The following ZNF37A variants were observed in gnomAD, a reference collection of about 807,000 sequenced individuals.
The protein encoded by ZNF37A is zinc finger protein 37A.
A neutral mutation model predicts 12.3 loss-of-function variants in ZNF37A; 10 were observed. The ratio of observed to expected loss-of-function variants is 0.82; its 90% CI spans 0.50 to 1.38. The LOEUF (loss-of-function observed/expected upper bound fraction) is 1.38. Ranked by LOEUF, ZNF37A falls within the 40% of genes most tolerant of loss-of-function variation. The pLI is 0.00. For synonymous variants in ZNF37A, 207 were observed against 223.0 expected (o/e 0.93, Z 0.64); for missense variants, 580 against 651.2 (o/e 0.89, Z 1.19).
chr10:38,097,619 A>G (rs2067258025), intron 5 of ZNF37A, among the ~76,000 whole-genome samples: 1 of 142,414 alleles, frequency 7.0e-6, no homozygotes, highest in Non-Finnish European at 1.5e-5. Flanking sequence ...AAAAAATCAC[A>G]TGAATTGTGT....
Position 38,118,478 on chromosome 10 carries a change from C to G in ZNF37A, c.1327C>G (p.Gln443Glu). 1 of 1,613,754 alleles carries G rather than the reference C, an allele frequency of 6.2e-7. No individual in the cohort carries two copies. Among genetic ancestry groups the G allele is most frequent in the Non-Finnish European group, 8.5e-7 (1 of 1,179,950 alleles). Residue 443 changes from glutamine to glutamate, a missense_variant, in exon 8 of 8, where the codon CAG (glutamine) becomes GAG (glutamate). Physicochemically the swap from Gln to Glu is conservative, Grantham distance 29. Transcript: ENST00000685332. ...AGGTGAGAAACCTTATGAATGTATTCAGTGTGGAAAATTTTTCTGCTACTA... is the reference window on the plus strand; with the variant it reads ...AGGTGAGAAACCTTATGAATGTATTGAGTGTGGAAAATTTTTCTGCTACTA... ...HTGEKPYECI[Q>E]CGKFFCYYSG...
At chr10:38,108,504 C>A (rs924661257) in intron 5 of ZNF37A, among the ~76,000 whole-genome samples, 1 of 151,754 alleles carries the variant, frequency 6.6e-6, no homozygotes, top group African/African-American at 2.4e-5. Flanking sequence ...GCAGAACTGA[C>A]GGAGATAGAG....
At chr10:38,097,583 CAAAAAA>C (rs71007695) in intron 5 of ZNF37A, among the ~76,000 whole-genome samples, 2,226 of 61,726 alleles carry the variant, frequency 0.036, 64 homozygotes, top group East Asian at 0.24. Context: ...GACTCTGTCT[CAAAAAA>C]AAAAAAAAAA....
intron 5 of ZNF37A, among the ~76,000 whole-genome samples, chr10:38,113,926 C>T (rs1027058064): frequency 3.3e-5 from 5 of 152,160 alleles, no homozygotes; most frequent in African/African-American, 9.7e-5. Flanking sequence ...ATGTCATATA[C>T]TGCCAGTCCT....
Position 38,117,679 on chromosome 10 carries a change from T to A in ZNF37A, c.528T>A (p.Tyr176Ter). The A allele has an allele frequency of 6.2e-7, 1 of 1,613,936 alleles. No individual in the cohort carries two copies. Among genetic ancestry groups the A allele is most frequent in the Non-Finnish European group, 8.5e-7 (1 of 1,179,962 alleles). ...RGYTGQKTCK[Y>*]TEHGKTCDMS... ...ACACAGGACAGAAAACCTGCAAATATACTGAACATGGGAAAACCTGTGATA... is the reference window on the plus strand; with the variant it reads ...ACACAGGACAGAAAACCTGCAAATAAACTGAACATGGGAAAACCTGTGATA... Residue 176 changes from tyrosine (Y) to a stop codon, truncating the protein, a stop_gained, in exon 8 of 8, where the codon TAT becomes TAA. Transcript: ENST00000685332. LOFTEE classifies it low-confidence loss of function (END_TRUNC).
downstream of ZNF37A, among the ~76,000 whole-genome samples, chr10:38,127,620 T>G (rs1253284498): frequency 6.6e-6 from 1 of 152,140 alleles, no homozygotes; most frequent in Non-Finnish European, 1.5e-5. Context: ...TTAGAGGCTC[T>G]CCCACTTCCT....
chr10:38,118,244 T>A lies in ZNF37A; in HGVS notation c.1093T>A (p.Ser365Thr), dbSNP rs747711924. ...ATGTCATGAATGTGGGAAAACCTTC[T>A]CATTTAAGTCAGTCCTTACTGTGCA... ...YECHECGKTF[S>T]FKSVLTVHQK... The change falls in exon 8 of 8, where the codon TCA (serine) becomes ACA (threonine). Residue 365 changes from serine (S) to threonine (T), a missense_variant. Ser to Thr is a moderately conservative substitution (Grantham distance 58). Transcript: ENST00000685332. 4.3e-6 allele frequency: 7 copies of A among 1,612,398 alleles called. No homozygotes were observed. Among genetic ancestry groups the A allele is most frequent in the Non-Finnish European group, 5.9e-6 (7 of 1,179,508 alleles).
chr10:38,108,696 C>A (rs1027860076), intron 5 of ZNF37A, among the ~76,000 whole-genome samples: 2 of 152,162 alleles, frequency 1.3e-5, no homozygotes, highest in African/African-American at 4.8e-5. Context: ...TCAGAGAATA[C>A]TATAAACACC....
chr10:38,112,805 CT>C (rs1217344294), intron 5 of ZNF37A, among the ~76,000 whole-genome samples: 5 of 54,528 alleles, frequency 9.2e-5, no homozygotes, highest in Non-Finnish European at 1.6e-4. Context: ...CTTGTCTTGT[CT>C]TGTCTTCTTT....
chr10:38,106,013 A>G (rs1227664899), intron 5 of ZNF37A, among the ~76,000 whole-genome samples: 1 of 152,060 alleles, frequency 6.6e-6, no homozygotes, highest in Non-Finnish European at 1.5e-5. Flanking sequence ...AGAACTTTTA[A>G]TACAGTGTTG....
At position 38,118,816 on chromosome 10, in the gene ZNF37A, C is replaced by T. The variant is rs752327412; in HGVS notation, c.1665C>T (p.Asn555=). 124 of 1,578,270 alleles carry T rather than the reference C, an allele frequency of 7.9e-5. No individual in the cohort carries two copies. The highest frequency in any genetic ancestry group is 2.2e-4 in the African/African-American group (16 of 73,658). The change falls in exon 8 of 8, where the codon AAC becomes AAT. Residue 555 remains asparagine, a synonymous_variant. Coordinates refer to ENST00000685332, the MANE Select transcript of ZNF37A (RefSeq NM_001324250.3). ...GGAGAAACCCTATAAATGTAGTAAA[C>T]GAGGGAAATTACTCTGGGTGAAGTC... The part of the protein sequence containing the change: ...HLGRNPINVV[N]EGNYSG
At chr10:38,098,043 A>T (rs2067286208) in intron 5 of ZNF37A, among the ~76,000 whole-genome samples, 1 of 152,192 alleles carries the variant, frequency 6.6e-6, no homozygotes, top group Non-Finnish European at 1.5e-5. Flanking sequence ...TGTTTTAGAT[A>T]TGGCATACAA....
chr10:38,149,466 T>A (rs1377579989), exon 8 of ZNF37A: 1 of 150,926 alleles, frequency 6.6e-6, no homozygotes, highest in Non-Finnish European at 1.5e-5. Context: ...CTCCATCCCC[T>A]CCTAACCCCC....
At chr10:38,129,319 A>AAAAAC, downstream of ZNF37A, among the ~76,000 whole-genome samples, 58 of 116,298 alleles carry the variant, frequency 5.0e-4, 3 homozygotes, top group Non-Finnish European at 9.1e-4. Context: ...AAAAAAAAAA[A>AAAAAC]AAACTATTAT....
At chr10:38,128,527 T>C (rs2069961275), downstream of ZNF37A, among the ~76,000 whole-genome samples, 1 of 152,184 alleles carries the variant, frequency 6.6e-6, no homozygotes, top group African/African-American at 2.4e-5. Flanking sequence ...GTTTGAGTTT[T>C]ATCTTTTCGA....
chr10:38,128,732 G>T (rs2069964341), downstream of ZNF37A, among the ~76,000 whole-genome samples: 1 of 152,110 alleles, frequency 6.6e-6, no homozygotes, highest in South Asian at 2.1e-4. Flanking sequence ...CGTCCAGTGG[G>T]CATGAAGTGT....
At chr10:38,106,821 G>T (rs1251497367) in intron 5 of ZNF37A, among the ~76,000 whole-genome samples, 1 of 151,966 alleles carries the variant, frequency 6.6e-6, no homozygotes, top group Non-Finnish European at 1.5e-5. Flanking sequence ...GAATGAAAAG[G>T]AACGAACAAA....
intron 7 of ZNF37A, among the ~76,000 whole-genome samples, chr10:38,146,485 A>G (rs757186556): frequency 1.9e-4 from 29 of 152,204 alleles, no homozygotes; most frequent in Admixed American, 7.2e-4. Context: ...TTAAGCCCTC[A>G]TATTTTATTG....
downstream of ZNF37A, among the ~76,000 whole-genome samples, chr10:38,128,828 A>G (rs2069966411): frequency 6.6e-6 from 1 of 152,170 alleles, no homozygotes; most frequent in African/African-American, 2.4e-5. Flanking sequence ...ATCTTGGCTC[A>G]CTGCAATCTC....
Sources: allele counts gnomAD v4.1 joint callset (sites outside exome capture counted in the v4.1 genomes callset), GRCh38; gene constraint gnomAD v4.1.1; transcripts MANE v1.5; gene names NCBI Gene and HGNC (gene_info 2026-07-23, HGNC 2026-07-21).